Variants in CPQ observed in about 807,000 individuals in gnomAD.
CPQ encodes Ser-Met dipeptidase.
Under a neutral mutation model 45.7 loss-of-function variants are expected in CPQ, and 37 were observed. That is an observed-to-expected ratio of 0.81 (90% CI 0.62 to 1.07). The LOEUF is 1.07. Ranked by LOEUF, CPQ falls within the 50% of genes least tolerant of loss-of-function variation. The probability of loss-of-function intolerance (pLI) is 0.00; values close to 1 mark genes in which losing one functional copy is unlikely to be tolerated. For synonymous variants in CPQ, 186 were observed against 205.8 expected (o/e 0.90, Z 0.82); for missense variants, 537 against 572.9 (o/e 0.94, Z 0.64).
In CPQ at chr8:96,785,342, C is replaced by T; in HGVS notation, c.433+12C>T. On this transcript the variant is annotated intron_variant, in intron 2 of 7. Coordinates refer to ENST00000220763, the MANE Select transcript of CPQ (RefSeq NM_016134.4). ...GACTCCTCCAGAAGGTATTGTTTGT[C>T]TTTTCAGTTTGATTTGTATTTTATA... The T allele has an allele frequency of 1.9e-6, 3 of 1,565,488 alleles. No homozygotes were observed. The highest frequency in any genetic ancestry group is 1.2e-5 in the South Asian group (1 of 85,054).
At chr8:97,066,479 T>A (rs1408502750) in intron 7 of CPQ, among the ~76,000 whole-genome samples, 1 of 152,188 alleles carries the variant, frequency 6.6e-6, no homozygotes, top group Non-Finnish European at 1.5e-5. Context: ...GAATTGGGCC[T>A]AAAAATCCAT....
chr8:96,924,985 G>A (rs1271491011), intron 4 of CPQ, among the ~76,000 whole-genome samples: 1 of 152,184 alleles, frequency 6.6e-6, no homozygotes, highest in East Asian at 1.9e-4. Context: ...ACTGGGCTGG[G>A]GCCAAAAGTA....
At chr8:96,817,266 C>T (rs1811240283) in intron 2 of CPQ, among the ~76,000 whole-genome samples, 1 of 152,112 alleles carries the variant, frequency 6.6e-6, no homozygotes, top group Non-Finnish European at 1.5e-5. Flanking sequence ...GTTATGGGCC[C>T]TCTTTCCTTA....
intron 5 of CPQ, among the ~76,000 whole-genome samples, chr8:97,021,687 A>G (rs1809687985): frequency 6.6e-6 from 1 of 152,228 alleles, no homozygotes; most frequent in South Asian, 2.1e-4. Flanking sequence ...ACAAGGATAC[A>G]AAACACTGCT....
chr8:96,675,425 T>C (rs757534223), intron 1 of CPQ, among the ~76,000 whole-genome samples: 14 of 152,096 alleles, frequency 9.2e-5, no homozygotes, highest in Non-Finnish European at 1.6e-4. Flanking sequence ...TTCTAATTGG[T>C]ACGTTACATG....
chr8:96,705,430 CT>C (rs1265440277), intron 1 of CPQ, among the ~76,000 whole-genome samples: 1 of 152,178 alleles, frequency 6.6e-6, no homozygotes, highest in African/African-American at 2.4e-5. Context: ...ACAGCCTCTT[CT>C]ATGTGGGACA....
intron 7 of CPQ, among the ~76,000 whole-genome samples, chr8:97,095,155 A>G (rs1001308964): frequency 6.6e-6 from 1 of 152,160 alleles, no homozygotes; most frequent in Non-Finnish European, 1.5e-5. Flanking sequence ...CCTGGAAGAT[A>G]ACTCTATAGA....
intron 1 of CPQ, among the ~76,000 whole-genome samples, chr8:96,726,435 C>T (rs141849855): frequency 6.6e-6 from 1 of 151,996 alleles, no homozygotes; most frequent in Non-Finnish European, 1.5e-5. Flanking sequence ...TCTGAAGGCT[C>T]TACAGGAGGC....
chr8:96,863,283 C>A (rs1811953417), intron 3 of CPQ, among the ~76,000 whole-genome samples: 2 of 151,948 alleles, frequency 1.3e-5, no homozygotes, highest in South Asian at 4.1e-4. Flanking sequence ...TAATTGGAAA[C>A]AAATGTCAGG....
At chr8:96,960,833 G>A (rs1813448250) in intron 4 of CPQ, among the ~76,000 whole-genome samples, 1 of 151,698 alleles carries the variant, frequency 6.6e-6, no homozygotes, top group Admixed American at 6.6e-5. Flanking sequence ...TTTGTTTTTT[G>A]TTGCCTATTT....
chr8:97,106,979 T>C (rs1188623605), intron 7 of CPQ, among the ~76,000 whole-genome samples: 1 of 152,190 alleles, frequency 6.6e-6, no homozygotes, highest in Non-Finnish European at 1.5e-5. Flanking sequence ...TTTAATATAT[T>C]GGTGACCTTG....
At chr8:97,039,950 C>T (rs1488238315) in intron 6 of CPQ, among the ~76,000 whole-genome samples, 2 of 151,930 alleles carry the variant, frequency 1.3e-5, no homozygotes, top group East Asian at 3.9e-4. Flanking sequence ...CATACATGTG[C>T]ATGTGTCTTT....
chr8:96,750,623 T>C (rs77938690), intron 1 of CPQ, among the ~76,000 whole-genome samples: 1 of 151,944 alleles, frequency 6.6e-6, no homozygotes, highest in African/African-American at 2.4e-5. Flanking sequence ...CTTTTTTTTT[T>C]CTCTCTTCAA....
chr8:97,021,216 C>T (rs1200001213), intron 5 of CPQ, among the ~76,000 whole-genome samples: 2 of 152,154 alleles, frequency 1.3e-5, no homozygotes, highest in African/African-American at 4.8e-5. Flanking sequence ...ATATAAGGGA[C>T]ATACCTCAAT....
At chr8:96,880,301 A>G (rs1218152634) in intron 4 of CPQ, among the ~76,000 whole-genome samples, 1 of 151,970 alleles carries the variant, frequency 6.6e-6, no homozygotes, top group East Asian at 1.9e-4. Flanking sequence ...AACCCCTGTG[A>G]AAAGCAGTTT....
chr8:96,650,104 T>C (rs1815561292), intron 1 of CPQ, among the ~76,000 whole-genome samples: 1 of 152,206 alleles, frequency 6.6e-6, no homozygotes, highest in South Asian at 2.1e-4. Context: ...AATGGTAAGA[T>C]ATCCCAAGCT....
At position 96,846,944 on chromosome 8, in the gene CPQ, T is replaced by C. The variant is rs557278583; in HGVS notation, c.641+11764T>C. Among the ~76,000 whole-genome samples, 4 of 152,332 alleles carry C rather than the reference T, an allele frequency of 2.6e-5. No homozygotes were observed. The South Asian group carries it at 8.3e-4, about 32-fold the overall frequency. ...TTATGACACTAACATTTTCAAAGAA[T>C]ATAAGGGAGTTATTTTGCACAATGA... On this transcript the variant is annotated intron_variant, in intron 3 of 7. Transcript: ENST00000220763.
intron 5 of CPQ, among the ~76,000 whole-genome samples, chr8:97,003,464 A>G (rs1164929954): frequency 6.6e-6 from 1 of 152,132 alleles, no homozygotes; most frequent in East Asian, 1.9e-4. Context: ...CCCACACACT[A>G]TAAGCCCCTA....
intron 1 of CPQ, among the ~76,000 whole-genome samples, chr8:96,744,670 A>G (rs945725910): frequency 6.6e-6 from 1 of 152,158 alleles, no homozygotes; most frequent in African/African-American, 2.4e-5. Context: ...TATAAATTTG[A>G]CATTAAATTT....
Sources: allele counts gnomAD v4.1 joint callset (sites outside exome capture counted in the v4.1 genomes callset), GRCh38; gene constraint gnomAD v4.1.1; transcripts MANE v1.5; gene names NCBI Gene and HGNC (gene_info 2026-07-23, HGNC 2026-07-21).